XRCC3: variants seen among roughly 807,000 people sequenced by gnomAD.
The protein encoded by XRCC3 is X-ray repair cross complementing 3.
Under a neutral mutation model 29.2 loss-of-function variants are expected in XRCC3, and 34 were observed. The observed-to-expected ratio is 1.16, with a 90% CI of 0.88 to 1.55. The LOEUF (loss-of-function observed/expected upper bound fraction) is 1.55. XRCC3 is among the 40% of genes most tolerant of loss of function. The pLI, the probability that XRCC3 is intolerant of heterozygous loss-of-function variation, is 0.00. For synonymous variants in XRCC3, 223 were observed against 211.3 expected (o/e 1.06, Z -0.48); for missense variants, 463 against 467.6 (o/e 0.99, Z 0.09).
At position 103,698,196 on chromosome 14, in the gene XRCC3, G is replaced by C. The variant is rs1373898396; in HGVS notation, c.*602C>G. The C allele has an allele frequency of 1.2e-5, 2 of 160,288 alleles. No homozygotes were observed. The highest frequency in any genetic ancestry group is 2.7e-5 in the Non-Finnish European group (2 of 72,932). The allele number at this position is 160,288 out of a possible 1,614,324, so 9.9% of individuals were successfully genotyped here. A position where few individuals can be genotyped will look rare whatever the true frequency, so the allele number is the denominator to read the frequency against. ...CTGACACTGGAGGTTGGTGGGATAT[G>C]CTTTCTCCACCTTGTACCACACTGA... On this transcript the variant is annotated 3_prime_UTR_variant, in exon 10 of 10. Transcript: ENST00000555055.
chr14:103,707,292 A>C (rs1439006075), intron 5 of XRCC3, 77 bp from the exon 6 acceptor site: 4 of 1,514,878 alleles, frequency 2.6e-6, no homozygotes, highest in Non-Finnish European at 3.6e-6. Flanking sequence ...AGGCATGGTC[A>C]GCCTGCCTGT....
At position 103,699,588 on chromosome 14, in the gene XRCC3, G is replaced by C; in HGVS notation, c.562-12C>G. The C allele has an allele frequency of 6.2e-7, 1 of 1,612,680 alleles. No individual in the cohort carries two copies. Among genetic ancestry groups the C allele is most frequent in the African/African-American group, 1.3e-5 (1 of 74,966 alleles). On this transcript the variant is annotated splice_polypyrimidine_tract_variant and intron_variant, in intron 7 of 9. Transcript: ENST00000555055. ...TCCAACAAGGTGTCCTGTGGGGACA[G>C]CTGTCATTGTCTATGCTGGTCAGCA... is the stretch of plus-strand genomic sequence containing the variant.
At position 103,707,136 on chromosome 14, in the gene XRCC3, C is replaced by T. The variant is rs1254783562; in HGVS notation, c.273G>A (p.Ala91=). 6.5e-6 allele frequency: 10 copies of T among 1,549,516 alleles called. No homozygotes were observed. The highest frequency in any genetic ancestry group is 1.8e-4 in the Middle Eastern group (1 of 5,514). The change falls in exon 6 of 10, where the codon GCG becomes GCA. Residue 91 remains alanine, a synonymous_variant. Coordinates refer to ENST00000555055, the MANE Select transcript of XRCC3 (RefSeq NM_005432.4). ...CCAGGGGCAGGCCACCGCGGAGCAG[C>T]GCGTCCAGCACCGGGCAGCCCAGGC... ...RLSLGCPVLD[A]LLRGGLPLDG...
At chr14:103,714,718 A>C (rs1261203003) in intron 1 of XRCC3, among the ~76,000 whole-genome samples, 1 of 152,174 alleles carries the variant, frequency 6.6e-6, no homozygotes, top group Non-Finnish European at 1.5e-5. Context: ...CTTTTTCTGT[A>C]GCCCAGGCTG....
intron 4 of XRCC3, chr14:103,710,814 T>C (rs2083599361): frequency 1.7e-6 from 1 of 574,798 alleles, no homozygotes; most frequent in South Asian, 2.1e-5. Context: ...ATTACTTTGA[T>C]AAAAATAAAA....
At chr14:103,699,729 C>T (rs569187145) in intron 7 of XRCC3, among the ~76,000 whole-genome samples, 153 bp from the exon 8 acceptor site, 5 of 152,172 alleles carry the variant, frequency 3.3e-5, no homozygotes, top group African/African-American at 1.2e-4. Flanking sequence ...ACTCTGAGCC[C>T]AATTCTGTAT....
intron 6 of XRCC3, chr14:103,706,113 C>T (rs966973243): frequency 2.9e-6 from 1 of 349,964 alleles, no homozygotes; most frequent in African/African-American, 2.1e-5. Context: ...TCACCCTCCA[C>T]CCGACACGGA....
chr14:103,704,153 C>T (rs1291314411), intron 6 of XRCC3: 6 of 152,324 alleles, frequency 3.9e-5, no homozygotes, highest in Non-Finnish European at 8.8e-5. Context: ...TGCTCCAGCA[C>T]GGATGAACCT....
At chr14:103,703,141 T>A (rs1254702412) in intron 7 of XRCC3, 32 bp downstream of exon 7, 1 of 1,555,760 alleles carries the variant, frequency 6.4e-7, no homozygotes, top group Non-Finnish European at 8.7e-7. Flanking sequence ...TAGCTTGCCT[T>A]GGGGGTGTCA....
At chr14:103,706,721 G>A (rs2083449303) in intron 6 of XRCC3, 3 of 501,170 alleles carry the variant, frequency 6.0e-6, no homozygotes, top group South Asian at 2.0e-5. Context: ...GGCCGGCATC[G>A]CTGTGCTCAG....
At chr14:103,707,464 A>T (rs552802332) in intron 5 of XRCC3, 7 of 577,120 alleles carry the variant, frequency 1.2e-5, no homozygotes, top group African/African-American at 9.3e-5. Context: ...GGATCCCCCT[A>T]TGGGGCAATT....
rs753371151 is a variant in XRCC3 at position 103,699,360 on chromosome 14, T to A, written c.774+4A>T. Reference sequence around the variant, plus strand: ...CAGGGGTGCAACCCTGCCTTGGTGCTCACCTGGTTGATGCACAGCACAGGG... The same window carrying A: ...CAGGGGTGCAACCCTGCCTTGGTGCACACCTGGTTGATGCACAGCACAGGG... On this transcript the variant is annotated splice_donor_region_variant and intron_variant, in intron 8 of 9. Coordinates refer to ENST00000555055, the MANE Select transcript of XRCC3 (RefSeq NM_005432.4). 8 of 1,600,792 alleles carry A rather than the reference T, an allele frequency of 5.0e-6. No individual in the cohort carries two copies. The South Asian group carries it at 8.9e-5, about 18-fold the overall frequency.
In XRCC3 at chr14:103,699,482, A is replaced by G; in HGVS notation, c.656T>C (p.Phe219Ser). The G allele has an allele frequency of 6.2e-7, 1 of 1,612,362 alleles. No individual in the cohort carries two copies. Among genetic ancestry groups the G allele is most frequent in the Non-Finnish European group, 8.5e-7 (1 of 1,179,832 alleles). ...LVVIDSVAAP[F>S]RCEFDSQASA... ...GGCCTGGCTGTCAAATTCACAGCGG[A>G]ATGGGGCTGCCACCGAGTCGATGAC... The change falls in exon 8 of 10, where the codon TTC (phenylalanine) becomes TCC (serine). Residue 219 changes from phenylalanine to serine, a missense_variant. Transcript: ENST00000555055.
rs900479421 is a variant in XRCC3, at chr14:103,699,151, G to A, written c.803C>T (p.Ala268Val). 2 of 1,571,390 alleles carry A rather than the reference G, an allele frequency of 1.3e-6. No homozygotes were observed. The highest frequency in any genetic ancestry group is 1.4e-5 in the African/African-American group (1 of 74,046). Residue 268 changes from alanine to valine, a missense_variant, in exon 9 of 10, where the codon GCA becomes GTA. By Grantham distance (64) the Ala-to-Val change is moderately conservative (BLOSUM62 0). Coordinates refer to ENST00000555055, the MANE Select transcript of XRCC3 (RefSeq NM_005432.4). ...CACTCACCCCAGCGGCCCGTGTGCT[G>A]CGCCCTGCTCCTCCATGGCCTCTGT... ...QVTEAMEEQG[A>V]AHGPLGFWDE...
In XRCC3 at chr14:103,698,654, T is replaced by A. The variant is rs2082782931; in HGVS notation, c.*144A>T. 1 of 745,506 alleles carries A rather than the reference T, an allele frequency of 1.3e-6. No individual in the cohort carries two copies. The highest frequency in any genetic ancestry group is 2.3e-6 in the Non-Finnish European group (1 of 438,992). 46.2% of individuals were successfully genotyped at this position (745,506 alleles called of 1,614,324 possible). On this transcript the variant is annotated 3_prime_UTR_variant, in exon 10 of 10. Transcript: ENST00000555055. ...TCAGTCTGTGGCCACCATCTTCGGA[T>A]GAGAAAGTGGAGCCGCTGCCCTGGA... is the stretch of plus-strand genomic sequence containing the variant.
chr14:103,714,407 C>T (rs569497189), intron 1 of XRCC3, among the ~76,000 whole-genome samples: 1 of 150,892 alleles, frequency 6.6e-6, no homozygotes, highest in African/African-American at 2.4e-5. Context: ...CGGCCAAGGT[C>T]GCCTGAGCCC....
Position 103,699,348 on chromosome 14 carries a change from C to G in XRCC3, c.774+16G>C, listed in dbSNP as rs1241315271. The G allele has an allele frequency of 6.3e-7, 1 of 1,589,632 alleles. No homozygotes were observed. Among genetic ancestry groups the G allele is most frequent in the South Asian group, 1.1e-5 (1 of 88,806 alleles). ...AAAATACGAGCTCAGGGGTGCAACCCTGCCTTGGTGCTCACCTGGTTGATG... is the reference window on the plus strand; with the variant it reads ...AAAATACGAGCTCAGGGGTGCAACCGTGCCTTGGTGCTCACCTGGTTGATG... On this transcript the variant is annotated intron_variant, in intron 8 of 9. Coordinates refer to ENST00000555055, the MANE Select transcript of XRCC3 (RefSeq NM_005432.4).
chr14:103,705,800 C>G (rs903642042), intron 6 of XRCC3: 4 of 157,320 alleles, frequency 2.5e-5, no homozygotes, highest in Admixed American at 1.2e-4. Flanking sequence ...GGAGTCATTG[C>G]ACAAATCAGA....
rs1014132366 is a variant in XRCC3, at chr14:103,697,899, C to T, written c.*899G>A. ...GCAGGACAGGGTCCTGCAGGTGGCC[C>T]TGCCAGGAGTCCTGCCATATCCCTA... On this transcript the variant is annotated 3_prime_UTR_variant, in exon 10 of 10. Transcript: ENST00000555055. 3 of 152,282 alleles carry T rather than the reference C, an allele frequency of 2.0e-5. No homozygotes were observed. Among genetic ancestry groups the T allele is most frequent in the Non-Finnish European group, 4.4e-5 (3 of 68,230 alleles). The allele number at this position is 152,282 out of a possible 1,614,324, so 9.4% of individuals were successfully genotyped here. A position where few individuals can be genotyped will look rare whatever the true frequency, so the allele number is the denominator to read the frequency against.
Sources: allele counts gnomAD v4.1 joint callset (sites outside exome capture counted in the v4.1 genomes callset), GRCh38; gene constraint gnomAD v4.1.1; transcripts MANE v1.5; gene names NCBI Gene and HGNC (gene_info 2026-07-23, HGNC 2026-07-21).